The following INSC variants were observed in gnomAD, a reference collection of about 807,000 sequenced individuals.
INSC encodes INSC spindle orientation adaptor protein.
A neutral mutation model predicts 58.6 loss-of-function variants in INSC; 67 were observed. That is an observed-to-expected ratio of 1.14 (90% CI 0.94 to 1.40). INSC has a LOEUF of 1.40. INSC is among the 40% of genes most tolerant of loss of function. INSC has a pLI of 0.00. For synonymous variants in INSC, 262 were observed against 276.1 expected, an observed-to-expected ratio of 0.95 and a Z score of 0.51; for missense variants, 714 against 692.0, an observed-to-expected ratio of 1.03 and a Z score of -0.36.
At chr11:15,197,333 G>A (rs187817598) in intron 6 of INSC, among the ~76,000 whole-genome samples, 54 of 152,200 alleles carry the variant, frequency 3.5e-4, no homozygotes, top group Non-Finnish European at 3.1e-4. Context: ...CCATTTTTCC[G>A]GGCTGGAAAA....
intron 1 of INSC, among the ~76,000 whole-genome samples, chr11:15,139,280 G>A (rs562911124): frequency 8.5e-4 from 129 of 152,266 alleles, no homozygotes; most frequent in African/African-American, 2.9e-3. Context: ...ATGTCTATTC[G>A]TGGCAGTCAC....
chr11:15,241,548 G>T, intron 12 of INSC: 1 of 702,384 alleles, frequency 1.4e-6, no homozygotes, highest in South Asian at 1.5e-5. Context: ...ATGATTCTGC[G>T]TTCCATTCAC....
the INSC span, among the ~76,000 whole-genome samples, chr11:15,256,558 T>C: frequency 1.3e-5 from 2 of 151,790 alleles, no homozygotes; most frequent in African/African-American, 2.4e-5. Context: ...GGCAAGATCT[T>C]GGCTCACCGC....
intron 9 of INSC, among the ~76,000 whole-genome samples, chr11:15,227,280 T>C (rs1443558950): frequency 1.3e-5 from 2 of 152,174 alleles, no homozygotes; most frequent in South Asian, 4.1e-4. Context: ...GCCTGGGCCA[T>C]TTATCAATTG....
the INSC span, among the ~76,000 whole-genome samples, chr11:15,254,400 A>G: frequency 1.3e-5 from 2 of 152,146 alleles, no homozygotes; most frequent in African/African-American, 4.8e-5. Flanking sequence ...ATTACCTCTG[A>G]TTTTAGATTA....
At chr11:15,177,003 G>A (rs1849594120) in intron 3 of INSC, 108 bp from the exon 4 acceptor site, 2 of 890,456 alleles carry the variant, frequency 2.2e-6, no homozygotes, top group Admixed American at 3.4e-5. Flanking sequence ...TGTTCCCCAA[G>A]TCACATTAAT....
chr11:15,125,843 T>A, intron 1 of INSC, among the ~76,000 whole-genome samples: 1 of 152,018 alleles, frequency 6.6e-6, no homozygotes, highest in Non-Finnish European at 1.5e-5. Context: ...ATGAATGGTG[T>A]CAACACTTCA....
chr11:15,168,209 A>G (rs1849270423), intron 2 of INSC, among the ~76,000 whole-genome samples: 1 of 152,176 alleles, frequency 6.6e-6, no homozygotes, highest in African/African-American at 2.4e-5. Flanking sequence ...GCAACTATCA[A>G]CACATTACCT....
chr11:15,126,006 A>C (rs1847986762), intron 1 of INSC, among the ~76,000 whole-genome samples: 1 of 152,072 alleles, frequency 6.6e-6, no homozygotes, highest in African/African-American at 2.4e-5. Context: ...CCTGTTGGGG[A>C]ATATTGGGTT....
At chr11:15,247,746 T>C (rs1032292553), downstream of INSC, among the ~76,000 whole-genome samples, 1 of 149,062 alleles carries the variant, frequency 6.7e-6, no homozygotes, top group Non-Finnish European at 1.5e-5. Context: ...TATATATATA[T>C]ATATATATAT....
At chr11:15,222,611 A>G (rs951514025) in intron 8 of INSC, among the ~76,000 whole-genome samples, 1 of 152,164 alleles carries the variant, frequency 6.6e-6, no homozygotes, top group Non-Finnish European at 1.5e-5. Context: ...ACCATGTCAC[A>G]TTGTAAAACC....
intron 12 of INSC, among the ~76,000 whole-genome samples, chr11:15,242,635 C>T (rs1161400661): frequency 2.0e-5 from 3 of 152,166 alleles, no homozygotes; most frequent in Non-Finnish European, 4.4e-5. Context: ...CTGAACTGTG[C>T]CGTGATCCTT....
intron 1 of INSC, among the ~76,000 whole-genome samples, chr11:15,119,375 C>G (rs181936887): frequency 7.7e-4 from 117 of 152,296 alleles, no homozygotes; most frequent in Middle Eastern, 6.8e-3. Flanking sequence ...GTCCTGGGAA[C>G]CAAGCCTCTG....
downstream of INSC, among the ~76,000 whole-genome samples, chr11:15,251,637 G>A (rs150175092): frequency 9.2e-5 from 14 of 152,170 alleles, no homozygotes; most frequent in Non-Finnish European, 5.9e-5. Context: ...TGGTAAAAAG[G>A]TATGTAAAAG....
chr11:15,145,692 T>G (rs1366251522), intron 1 of INSC, among the ~76,000 whole-genome samples: 1 of 152,142 alleles, frequency 6.6e-6, no homozygotes, highest in Non-Finnish European at 1.5e-5. Flanking sequence ...AAAAGAGAAA[T>G]GTCCCCATTG....
intron 5 of INSC, 106 bp from the exon 6 acceptor site, chr11:15,190,595 A>T: frequency 1.3e-6 from 1 of 785,006 alleles, no homozygotes; most frequent in Non-Finnish European, 2.3e-6. Context: ...GCAGGAGTAG[A>T]TTCCATGGTT....
intron 6 of INSC, among the ~76,000 whole-genome samples, chr11:15,193,468 A>T (rs2133866908): frequency 6.6e-6 from 1 of 152,130 alleles, no homozygotes; most frequent in South Asian, 2.1e-4. Context: ...AACAGGCCTC[A>T]GTGTGTGATG....
chr11:15,200,783 G>C, intron 6 of INSC, 41 bp from the exon 7 acceptor site: 2 of 1,612,332 alleles, frequency 1.2e-6, no homozygotes, highest in Non-Finnish European at 1.7e-6. Context: ...CCCAGACAAG[G>C]TCACACAGTA....
Position 15,190,783 on chromosome 11 carries a change from A to C in INSC, c.662A>C (p.Glu221Ala). The change falls in exon 6 of 13, where the codon GAG (glutamate) becomes GCG (alanine). Residue 221 changes from glutamate (E) to alanine (A), a missense_variant. Glu to Ala is a moderately radical substitution (Grantham distance 107). Coordinates refer to ENST00000379556, the MANE Select transcript of INSC (RefSeq NM_001042536.3). Reference sequence around the variant, plus strand: ...GGGAACCTGTTCAGCCTGACCCAGGAGGGGGCTCCCTTGTGCCGCATCATA... The same window carrying C: ...GGGAACCTGTTCAGCCTGACCCAGGCGGGGGCTCCCTTGTGCCGCATCATA... ...TTGNLFSLTQ[E>A]GAPLCRIIAK... The C allele has an allele frequency of 6.2e-7, 1 of 1,613,796 alleles. No individual in the cohort carries two copies. Among genetic ancestry groups the C allele is most frequent in the East Asian group, 2.2e-5 (1 of 44,876 alleles).
Sources: gnomAD v4.1 joint callset for allele counts (sites outside exome capture counted in the v4.1 genomes callset) on GRCh38, gnomAD v4.1.1 for gene constraint, MANE v1.5 for transcripts, NCBI Gene and HGNC (gene_info 2026-07-23, HGNC 2026-07-21) for gene names.